The following NELL1 variants were observed in gnomAD, a reference collection of about 807,000 sequenced individuals.
NELL1 encodes protein kinase C-binding protein NELL1.
Under a neutral mutation model 107.4 loss-of-function variants are expected in NELL1, and 76 were observed. That is an observed-to-expected ratio of 0.71 (90% CI 0.59 to 0.86). The LOEUF (loss-of-function observed/expected upper bound fraction) is 0.86, where lower values mean the gene tolerates loss of function less well. NELL1 is among the 40% of genes least tolerant of loss of function. The pLI is 0.00. For missense variants in NELL1, 1,024 were observed against 1,005.5 expected (o/e 1.02, Z -0.25); for synonymous variants, 353 against 341.2 (o/e 1.03, Z -0.38).
intron 15 of NELL1, among the ~76,000 whole-genome samples, chr11:21,416,913 T>G (rs139942549): frequency 2.7e-4 from 41 of 152,228 alleles, no homozygotes; most frequent in African/African-American, 8.7e-4. Context: ...TGTCTCAAGT[T>G]CATGATGATG....
At position 20,919,255 on chromosome 11, in the gene NELL1, G is replaced by T; in HGVS notation, c.680G>T (p.Cys227Phe). The T allele has an allele frequency of 6.3e-7, 1 of 1,588,650 alleles. No individual in the cohort carries two copies. Among genetic ancestry groups the T allele is most frequent in the Non-Finnish European group, 8.6e-7 (1 of 1,162,822 alleles). The change falls in exon 7 of 20, where the codon TGC becomes TTC. Residue 227 changes from cysteine (C) to phenylalanine (F), a missense_variant. Physicochemically the swap from Cys to Phe is radical, Grantham distance 205 (BLOSUM62 -2). Coordinates refer to ENST00000357134, the MANE Select transcript of NELL1 (RefSeq NM_006157.5). Reference sequence around the variant, plus strand: ...GTTTTATATTTTCTTTATTGAGCTTGCCCAACCTGCAGTGATTTCTTAAGC... The same window carrying T: ...GTTTTATATTTTCTTTATTGAGCTTTCCCAACCTGCAGTGATTTCTTAAGC... ...ITQCPNLNHT[C>F]PTCSDFLSLV...
At chr11:20,739,793 G>C (rs543566548) in intron 2 of NELL1, among the ~76,000 whole-genome samples, 1 of 152,218 alleles carries the variant, frequency 6.6e-6, no homozygotes, top group Admixed American at 6.5e-5. Context: ...TATACTGTAG[G>C]GGGTAGCATG....
At chr11:20,844,078 A>G (rs1848664900) in intron 3 of NELL1, among the ~76,000 whole-genome samples, 1 of 152,192 alleles carries the variant, frequency 6.6e-6, no homozygotes, top group Admixed American at 6.5e-5. Flanking sequence ...AGTTGTGCAC[A>G]GCTCAGAGCA....
intron 13 of NELL1, among the ~76,000 whole-genome samples, chr11:21,196,495 A>C (rs2133842412): frequency 6.6e-6 from 1 of 152,142 alleles, no homozygotes; most frequent in Middle Eastern, 3.4e-3. Flanking sequence ...GGTTGCTAGA[A>C]TTATCCTGGG....
chr11:21,162,451 A>G (rs764830601), intron 13 of NELL1, among the ~76,000 whole-genome samples: 1 of 152,180 alleles, frequency 6.6e-6, no homozygotes, highest in Non-Finnish European at 1.5e-5. Context: ...AACGTATTTG[A>G]AGATACATCC....
At chr11:21,480,808 C>T (rs1297443242) in intron 15 of NELL1, among the ~76,000 whole-genome samples, 2 of 152,116 alleles carry the variant, frequency 1.3e-5, no homozygotes, top group Non-Finnish European at 2.9e-5. Context: ...CCTCAGAATG[C>T]TTCATTTTAA....
intron 15 of NELL1, among the ~76,000 whole-genome samples, chr11:21,416,492 T>C (rs1301686682): frequency 1.3e-5 from 2 of 152,132 alleles, no homozygotes; most frequent in East Asian, 3.9e-4. Flanking sequence ...GGGGAAATGT[T>C]GGCCTTCGGT....
intron 2 of NELL1, among the ~76,000 whole-genome samples, chr11:20,680,128 A>G (rs1443172417): frequency 1.3e-5 from 2 of 152,116 alleles, no homozygotes; most frequent in African/African-American, 4.8e-5. Context: ...TCACCTAGAA[A>G]TTCAGGATAA....
chr11:20,757,751 A>G (rs926781626), intron 2 of NELL1, among the ~76,000 whole-genome samples: 1 of 152,146 alleles, frequency 6.6e-6, no homozygotes, highest in African/African-American at 2.4e-5. Flanking sequence ...ACCTAAGCCC[A>G]TGGAATCTCC....
chr11:20,790,177 C>T (rs940263980), intron 3 of NELL1, among the ~76,000 whole-genome samples: 1 of 152,192 alleles, frequency 6.6e-6, no homozygotes, highest in African/African-American at 2.4e-5. Flanking sequence ...GCCACTTCCA[C>T]CCAGGAACTG....
chr11:21,432,710 G>T (rs1852996844), intron 15 of NELL1, among the ~76,000 whole-genome samples: 1 of 152,042 alleles, frequency 6.6e-6, no homozygotes, highest in South Asian at 2.1e-4. Flanking sequence ...ATAAATTTAT[G>T]AAGTATCTTA....
At chr11:21,118,465 T>C (rs1855287465) in intron 13 of NELL1, among the ~76,000 whole-genome samples, 1 of 152,080 alleles carries the variant, frequency 6.6e-6, no homozygotes, top group Admixed American at 6.6e-5. Flanking sequence ...AGATATATTA[T>C]GTCCCCACCC....
chr11:21,527,607 A>G (rs1464920201), intron 15 of NELL1, among the ~76,000 whole-genome samples: 3 of 152,176 alleles, frequency 2.0e-5, no homozygotes, highest in Non-Finnish European at 2.9e-5. Context: ...CACAAGCTAA[A>G]GTCCCACAAT....
rs116051114 is a variant in NELL1 at position 20,873,600 on chromosome 11, A to G, written c.507-11844A>G. Among the ~76,000 whole-genome samples, 972 of 152,284 alleles carry G rather than the reference A, an allele frequency of 6.4e-3. 11 individuals carry two copies. The highest frequency in any genetic ancestry group is 0.022 in the African/African-American group (909 of 41,560). On this transcript the variant is annotated intron_variant, in intron 4 of 19. Transcript: ENST00000357134. Reference sequence around the variant, plus strand: ...ATCCTGTGTGGTAGATGTTGTTATTAAAGGTTTACGGATGAAGAAACAAAG... The same window carrying G: ...ATCCTGTGTGGTAGATGTTGTTATTGAAGGTTTACGGATGAAGAAACAAAG...
At chr11:20,755,540 GT>G (rs1463795241) in intron 2 of NELL1, among the ~76,000 whole-genome samples, 1 of 19,150 alleles carries the variant, frequency 5.2e-5, no homozygotes, top group Non-Finnish European at 1.8e-4. Context: ...GTGGGTTTTT[GT>G]TTTTTTTTGT....
intron 15 of NELL1, among the ~76,000 whole-genome samples, chr11:21,481,178 T>A (rs1854483766): frequency 6.6e-6 from 1 of 152,190 alleles, no homozygotes; most frequent in African/African-American, 2.4e-5. Flanking sequence ...TATTAAATAA[T>A]GTTCCTCTAA....
intron 7 of NELL1, among the ~76,000 whole-genome samples, chr11:20,925,979 T>C (rs1850487684): frequency 6.6e-6 from 1 of 152,194 alleles, no homozygotes; most frequent in Non-Finnish European, 1.5e-5. Context: ...CTATTATGTC[T>C]AAAATAGTGG....
At chr11:21,021,012 A>AACACACAC (rs56813080) in intron 12 of NELL1, among the ~76,000 whole-genome samples, 21,059 of 140,064 alleles carry the variant, frequency 0.15, 1,630 homozygotes, top group East Asian at 0.22. Flanking sequence ...AGAAACTTAG[A>AACACACAC]ACACACACAC....
rs536310030 is a variant in NELL1 at position 21,000,199 on chromosome 11, G to A, written c.1300+39639G>A. On this transcript the variant is annotated intron_variant, in intron 12 of 19. Transcript: ENST00000357134. ...ATAAGAATCTTAATCGCACCAGCAC[G>A]GCACATGTATACATATGTAACTAAC... Among the ~76,000 whole-genome samples the A allele has an allele frequency of 3.8e-4, 57 of 151,976 alleles. No individual in the cohort carries two copies. The Middle Eastern group carries it at 0.01, about 27-fold the overall frequency.
Sources: gnomAD v4.1 joint callset for allele counts (sites outside exome capture counted in the v4.1 genomes callset) on GRCh38, gnomAD v4.1.1 for gene constraint, MANE v1.5 for transcripts, NCBI Gene and HGNC (gene_info 2026-07-23, HGNC 2026-07-21) for gene names.